HDAC8: variants seen among roughly 807,000 people sequenced by gnomAD.
HDAC8 encodes histone deacetylase 8, also known as histone deacetylase-like 1.
Under a neutral mutation model 32.2 loss-of-function variants are expected in HDAC8, and 1 was observed. The ratio of observed to expected loss-of-function variants is 0.03; its 90% CI spans 0.01 to 0.15. HDAC8 has a LOEUF of 0.15. Ranked by LOEUF, HDAC8 falls within the 10% of genes least tolerant of loss-of-function variation. The pLI is 1.00. For synonymous variants in HDAC8, 108 were observed against 113.9 expected (o/e 0.95, Z 0.33); for missense variants, 117 against 300.0 (o/e 0.39, Z 4.51).
At chrX:72,399,158 T>C (rs1313188038) in intron 9 of HDAC8, among the ~76,000 whole-genome samples, 5 of 112,160 alleles carry the variant, frequency 4.5e-5, no homozygotes, top group African/African-American at 1.6e-4. Flanking sequence ...TTGAGTTTTG[T>C]GTTTGGTGTG....
rs782286976 is a variant in HDAC8 at position 72,533,540 on chromosome X, C to T, written c.437+34349G>A. On this transcript the variant is annotated intron_variant, in intron 4 of 10. Transcript: ENST00000373573. ...GGAGGTCAGTATTATTACCCCGATACCAAAATCAGACAAAAACATCATAAG... is the reference window on the plus strand; with the variant it reads ...GGAGGTCAGTATTATTACCCCGATATCAAAATCAGACAAAAACATCATAAG... 3.6e-5 allele frequency among the ~76,000 whole-genome samples: 4 copies of T among 111,583 alleles called. No individual in the cohort carries two copies. The East Asian group carries it at 8.4e-4, about 23-fold the overall frequency.
Position 72,389,724 on chromosome X carries a change from C to T in HDAC8, c.1006-37886G>A, listed in dbSNP as rs191516720. Among the ~76,000 whole-genome samples, 520 of 112,214 alleles carry T rather than the reference C, an allele frequency of 4.6e-3. 1 individual carries two copies. The highest frequency in any genetic ancestry group is 6.2e-3 in the Non-Finnish European group (328 of 53,203). On this transcript the variant is annotated intron_variant, in intron 9 of 10. Coordinates refer to ENST00000373573, the MANE Select transcript of HDAC8 (RefSeq NM_018486.3). ...GCTCCAAAAGAAAACAAAGCTTAAC[C>T]TCTAGGAAGAATGACTTCCTATACT...
chrX:72,365,150 A>G (rs1320107785), intron 9 of HDAC8, among the ~76,000 whole-genome samples: 3 of 111,905 alleles, frequency 2.7e-5, no homozygotes, highest in Non-Finnish European at 5.6e-5. Context: ...GAGCATGCCT[A>G]ATCCCAAAAT....
At chrX:72,440,886 G>C (rs922224738) in intron 9 of HDAC8, among the ~76,000 whole-genome samples, 4 of 112,690 alleles carry the variant, frequency 3.5e-5, no homozygotes, top group Non-Finnish European at 5.6e-5. Context: ...ATTATATCCC[G>C]CACCTGGCTT....
rs782801531 is a variant in HDAC8 at position 72,446,993 on chromosome X, C to T, written c.1005+15011G>A. On this transcript the variant is annotated intron_variant, in intron 9 of 10. Coordinates refer to ENST00000373573, the MANE Select transcript of HDAC8 (RefSeq NM_018486.3). Reference sequence around the variant, plus strand: ...GTCCAAGACCAGATGGATTCATAGCCGAATTCTACCAGAGGTACAAAGAGG... The same window carrying T: ...GTCCAAGACCAGATGGATTCATAGCTGAATTCTACCAGAGGTACAAAGAGG... 6.3e-5 allele frequency among the ~76,000 whole-genome samples: 7 copies of T among 111,769 alleles called. No individual in the cohort carries two copies. The South Asian group carries it at 1.5e-3, about 24-fold the overall frequency.
intron 4 of HDAC8, among the ~76,000 whole-genome samples, chrX:72,517,676 G>C (rs868979756): frequency 6.1e-4 from 68 of 111,648 alleles, no homozygotes; most frequent in African/African-American, 2.0e-3. Flanking sequence ...GGAAAAGACT[G>C]TTCTTCCCTT....
At chrX:72,453,124 C>A (rs7059246) in intron 9 of HDAC8, among the ~76,000 whole-genome samples, 7,985 of 105,783 alleles carry the variant, frequency 0.075, 733 homozygotes, top group African/African-American at 0.26. Flanking sequence ...CTTCAAAATA[C>A]ATCACAGGGA....
chrX:72,377,437 A>C (rs1486960736), intron 9 of HDAC8, among the ~76,000 whole-genome samples: 1 of 112,391 alleles, frequency 8.9e-6, no homozygotes, highest in African/African-American at 3.2e-5. Context: ...CGTTGTCCAA[A>C]TCTATTTCCT....
intron 10 of HDAC8, among the ~76,000 whole-genome samples, chrX:72,339,119 C>T (rs782722713): frequency 9.0e-6 from 1 of 111,506 alleles, no homozygotes; most frequent in East Asian, 2.8e-4. Flanking sequence ...GTAGGGATTA[C>T]CCTTGGCCAG....
chrX:72,440,596 C>A (rs1468421675), intron 9 of HDAC8, among the ~76,000 whole-genome samples: 1 of 111,791 alleles, frequency 8.9e-6, no homozygotes, highest in African/African-American at 3.2e-5. Flanking sequence ...TAATAAAGAG[C>A]GTGAGCGACG....
intron 7 of HDAC8, among the ~76,000 whole-genome samples, chrX:72,470,742 C>G (rs782625648): frequency 2.7e-5 from 3 of 111,729 alleles, no homozygotes; most frequent in Non-Finnish European, 5.6e-5. Flanking sequence ...TTATCTTTTT[C>G]AAACTTCTTA....
At chrX:72,333,222 C>T (rs781983940) in intron 10 of HDAC8, among the ~76,000 whole-genome samples, 2 of 111,805 alleles carry the variant, frequency 1.8e-5, no homozygotes, top group Non-Finnish European at 3.8e-5. Flanking sequence ...GTTGTGAAGC[C>T]TAACCTCAAG....
intron 9 of HDAC8, among the ~76,000 whole-genome samples, chrX:72,358,651 G>T (rs1042124250): frequency 2.9e-4 from 33 of 112,218 alleles, no homozygotes; most frequent in African/African-American, 9.7e-4. Context: ...TTGGACCACA[G>T]TTGACACAGC....
At chrX:72,452,543 T>C (rs1316008976) in intron 9 of HDAC8, among the ~76,000 whole-genome samples, 1 of 111,753 alleles carries the variant, frequency 8.9e-6, no homozygotes, top group Admixed American at 9.5e-5. Flanking sequence ...GAGATCTCAC[T>C]GAATACCTGG....
chrX:72,428,106 T>G (rs1555976189), intron 9 of HDAC8, among the ~76,000 whole-genome samples: 1 of 112,171 alleles, frequency 8.9e-6, no homozygotes, highest in African/African-American at 3.2e-5. Context: ...TCCTTCTTTT[T>G]TTTTTGAGAC....
At chrX:72,424,510 C>T (rs1332625324) in intron 9 of HDAC8, among the ~76,000 whole-genome samples, 1 of 111,384 alleles carries the variant, frequency 9.0e-6, no homozygotes, top group African/African-American at 3.3e-5. Context: ...TTCTCATTTC[C>T]CTATTTTCAA....
intron 9 of HDAC8, among the ~76,000 whole-genome samples, chrX:72,433,632 C>T (rs2046876523): frequency 8.9e-6 from 1 of 112,013 alleles, no homozygotes. Flanking sequence ...GGAGGAGGAG[C>T]TGTGAGATTC....
chrX:72,513,351 A>C (rs1195615592), intron 4 of HDAC8, among the ~76,000 whole-genome samples: 5 of 104,159 alleles, frequency 4.8e-5, no homozygotes, highest in Non-Finnish European at 9.8e-5. Context: ...TTTGAGACTG[A>C]GTCTCTCTCT....
chrX:72,546,543 G>A (rs1300979135), intron 4 of HDAC8, among the ~76,000 whole-genome samples: 1 of 111,228 alleles, frequency 9.0e-6, no homozygotes, highest in Non-Finnish European at 1.9e-5. Context: ...CAAGCAAGAT[G>A]TGATCTAGAC....
Sources: allele counts gnomAD v4.1 joint callset (sites outside exome capture counted in the v4.1 genomes callset), GRCh38; gene constraint gnomAD v4.1.1; transcripts MANE v1.5; gene names NCBI Gene and HGNC (gene_info 2026-07-23, HGNC 2026-07-21).